Variants in SGCE observed in about 807,000 individuals in gnomAD.
SGCE encodes the protein epsilon-sarcoglycan.
SGCE carries 26 observed loss-of-function variants against 57.8 expected under a neutral mutation model. That is an observed-to-expected ratio of 0.45 (90% CI 0.33 to 0.62). SGCE has a LOEUF of 0.62. Among genes scored for constraint, SGCE ranks in the 20% least tolerant of loss-of-function variants. SGCE has a pLI of 0.02. For synonymous variants in SGCE, 183 were observed against 189.5 expected, an observed-to-expected ratio of 0.97 and a Z score of 0.28; for missense variants, 468 against 548.6, an observed-to-expected ratio of 0.85 and a Z score of 1.47.
intron 9 of SGCE, among the ~76,000 whole-genome samples, chr7:94,596,317 A>G (rs1798388121): frequency 6.6e-6 from 1 of 152,144 alleles, no homozygotes; most frequent in Non-Finnish European, 1.5e-5. Context: ...TATTTTCAAT[A>G]TATGTGGTTA....
At position 94,633,805 on chromosome 7, in the gene SGCE, C is replaced by T. The variant is rs1005095035; in HGVS notation, c.110-3964G>A. On this transcript the variant is annotated intron_variant, in intron 1 of 10. Coordinates refer to ENST00000648936, the MANE Select transcript of SGCE (RefSeq NM_003919.3). ...AAATTTTGAAAGTACTATGGTGGTA[C>T]GCTGCCAATGAATCCACAGCATATA... Among the ~76,000 whole-genome samples the T allele has an allele frequency of 5.3e-5, 8 of 152,098 alleles. No homozygotes were observed. The East Asian group carries it at 5.8e-4, about 11-fold the overall frequency.
intron 8 of SGCE, chr7:94,599,467 A>G: frequency 1.9e-6 from 1 of 526,306 alleles, no homozygotes; most frequent in Non-Finnish European, 3.4e-6. Context: ...CTGAATCTGA[A>G]ATATTTTAGG....
At chr7:94,587,573 T>C in intron 10 of SGCE, 9 of 1,359,018 alleles carry the variant, frequency 6.6e-6, no homozygotes, top group African/African-American at 1.5e-5. Context: ...CTTTTTTCTC[T>C]CTTTAGGTGA....
intron 5 of SGCE, among the ~76,000 whole-genome samples, chr7:94,609,220 ACAAT>A (rs1386711751): frequency 1.3e-5 from 2 of 152,216 alleles, no homozygotes; most frequent in Non-Finnish European, 2.9e-5. Flanking sequence ...AAAACAACAA[ACAAT>A]CCAATTAAAA....
intron 1 of SGCE, among the ~76,000 whole-genome samples, chr7:94,641,189 G>C (rs578168631): frequency 7.2e-5 from 11 of 152,170 alleles, no homozygotes; most frequent in African/African-American, 2.7e-4. Flanking sequence ...CTGCAAAAAG[G>C]TCAAAGAGGA....
intron 1 of SGCE, chr7:94,644,770 T>C: frequency 2.6e-6 from 1 of 381,440 alleles, no homozygotes; most frequent in Non-Finnish European, 5.0e-6. Context: ...GTTGTTACGC[T>C]GCTCCCTGAC....
intron 10 of SGCE, chr7:94,588,218 A>G (rs1392131052): frequency 1.9e-6 from 2 of 1,070,114 alleles, no homozygotes; most frequent in Non-Finnish European, 1.1e-6. Context: ...TGGTCATGTT[A>G]TAACAGCTTT....
intron 1 of SGCE, among the ~76,000 whole-genome samples, chr7:94,640,637 T>C (rs1806251927): frequency 2.0e-5 from 3 of 151,972 alleles, no homozygotes. Context: ...TGTGTGTTTG[T>C]TTTGTTTGTT....
intron 1 of SGCE, among the ~76,000 whole-genome samples, chr7:94,643,225 C>G (rs1489632242): frequency 6.6e-6 from 1 of 152,214 alleles, no homozygotes; most frequent in Non-Finnish European, 1.5e-5. Context: ...TTTTCTTACA[C>G]TCTTGCTTTT....
At position 94,644,743 on chromosome 7, in the gene SGCE, T is replaced by C. The variant is rs572754626; in HGVS notation, c.109+11247A>G. ...CGTGTCCGGCATCCCTTCCCTTCTC[T>C]TACCATCCCCATCCAAGTTGTTACG... On this transcript the variant is annotated intron_variant, in intron 1 of 10. Transcript: ENST00000648936. 1.0e-5 allele frequency: 6 copies of C among 588,116 alleles called. No homozygotes were observed. In the Admixed American group the frequency reaches 1.6e-4, roughly 16 times the overall value. The allele number at this position is 588,116 out of a possible 1,614,324, so 36.4% of individuals were successfully genotyped here.
chr7:94,644,728 A>G (rs1213163295), intron 1 of SGCE: 2 of 745,576 alleles, frequency 2.7e-6, no homozygotes, highest in Non-Finnish European at 4.0e-6. Flanking sequence ...CGTGTCCGGC[A>G]TCCCTTCCCT....
At chr7:94,598,211 A>G (rs565208670) in intron 9 of SGCE, 104 of 161,660 alleles carry the variant, frequency 6.4e-4, no homozygotes, top group Admixed American at 1.2e-4. Flanking sequence ...ACTCCTTACA[A>G]AGTCCTTCTA....
At chr7:94,601,425 T>C (rs1158329887) in intron 6 of SGCE, among the ~76,000 whole-genome samples, 8 of 131,496 alleles carry the variant, frequency 6.1e-5, no homozygotes, top group African/African-American at 2.5e-4. Flanking sequence ...CCAGTCTTAC[T>C]TAATTCTATC....
At chr7:94,644,573 C>A in intron 1 of SGCE, 1 of 1,063,508 alleles carries the variant, frequency 9.4e-7, no homozygotes, top group South Asian at 1.3e-5. Flanking sequence ...GCCGGATATG[C>A]CAAATGAAAT....
At chr7:94,604,711 G>C (rs1799779491) in intron 5 of SGCE, among the ~76,000 whole-genome samples, 1 of 149,602 alleles carries the variant, frequency 6.7e-6, no homozygotes, top group Non-Finnish European at 1.5e-5. Context: ...GAAGGCAAAT[G>C]AGAAGCATAT....
intron 5 of SGCE, among the ~76,000 whole-genome samples, chr7:94,615,282 C>T (rs1801709164): frequency 6.6e-6 from 1 of 152,030 alleles, no homozygotes; most frequent in Non-Finnish European, 1.5e-5. Flanking sequence ...TCGCTTGAAC[C>T]CAGGAGGCAG....
chr7:94,593,017 T>C (rs940809426), intron 9 of SGCE, among the ~76,000 whole-genome samples: 1 of 152,110 alleles, frequency 6.6e-6, no homozygotes, highest in Non-Finnish European at 1.5e-5. Context: ...ATAATCTTAG[T>C]CCCCTGAAAC....
chr7:94,649,182 T>TTA (rs2117091093), intron 1 of SGCE, among the ~76,000 whole-genome samples: 1 of 152,344 alleles, frequency 6.6e-6, no homozygotes, highest in Non-Finnish European at 1.5e-5. Context: ...CATGCGTGGT[T>TTA]TTTAAATAAT....
intron 5 of SGCE, among the ~76,000 whole-genome samples, chr7:94,607,833 T>A (rs1800387630): frequency 6.6e-6 from 1 of 152,170 alleles, no homozygotes; most frequent in Non-Finnish European, 1.5e-5. Context: ...AAGGATTAAA[T>A]ACTGTCTTTC....
Sources: gnomAD v4.1 joint callset for allele counts (sites outside exome capture counted in the v4.1 genomes callset) on GRCh38, gnomAD v4.1.1 for gene constraint, MANE v1.5 for transcripts, NCBI Gene and HGNC (gene_info 2026-07-23, HGNC 2026-07-21) for gene names.